Variants in RAD51B observed in about 807,000 individuals in gnomAD.
RAD51B encodes DNA repair protein RAD51 homolog 2.
RAD51B carries 38 observed loss-of-function variants against 42.2 expected under a neutral mutation model. The ratio of observed to expected loss-of-function variants is 0.90; its 90% CI spans 0.70 to 1.18. RAD51B has a LOEUF of 1.18. Ranked by LOEUF, RAD51B falls within the 50% of genes most tolerant of loss-of-function variation. The pLI, the probability that RAD51B is intolerant of heterozygous loss-of-function variation, is 0.00. For missense variants in RAD51B, 373 were observed against 400.7 expected (o/e 0.93, Z 0.59); for synonymous variants, 154 against 145.2 (o/e 1.06, Z -0.43).
intron 7 of RAD51B, among the ~76,000 whole-genome samples, chr14:68,152,682 C>T (rs992520482): frequency 6.6e-6 from 1 of 151,004 alleles, no homozygotes; most frequent in Non-Finnish European, 1.5e-5. Flanking sequence ...GTTGGTTGTA[C>T]AGATTATTTC....
chr14:67,844,862 AC>A (rs1431201136), intron 4 of RAD51B, among the ~76,000 whole-genome samples: 2 of 151,998 alleles, frequency 1.3e-5, no homozygotes, highest in African/African-American at 4.8e-5. Flanking sequence ...GAAGCTGGAA[AC>A]CATTTTTGTC....
At chr14:68,602,594 T>G (rs1490004445) in intron 10 of RAD51B, among the ~76,000 whole-genome samples, 4 of 152,162 alleles carry the variant, frequency 2.6e-5, no homozygotes, top group Non-Finnish European at 4.4e-5. Context: ...AAATAGAGTT[T>G]AAGAAATTGG....
chr14:67,922,732 C>A (rs995005276), intron 7 of RAD51B, among the ~76,000 whole-genome samples: 1 of 147,506 alleles, frequency 6.8e-6, no homozygotes, highest in Non-Finnish European at 1.5e-5. Context: ...TGCTCTGTCG[C>A]GCGGCCTGGA....
chr14:68,097,999 G>A (rs1419339840), intron 7 of RAD51B, among the ~76,000 whole-genome samples: 14 of 152,104 alleles, frequency 9.2e-5, no homozygotes, highest in Non-Finnish European at 7.3e-5. Context: ...AGCTTTACCT[G>A]GAGAACTCTA....
At chr14:68,214,493 A>G (rs1198138381) in intron 7 of RAD51B, among the ~76,000 whole-genome samples, 2 of 152,188 alleles carry the variant, frequency 1.3e-5, no homozygotes, top group Non-Finnish European at 2.9e-5. Context: ...GATTACTTCT[A>G]CGGCCCCCAC....
intron 7 of RAD51B, among the ~76,000 whole-genome samples, chr14:67,968,890 A>C (rs1195503833): frequency 6.6e-6 from 1 of 152,200 alleles, no homozygotes; most frequent in Non-Finnish European, 1.5e-5. Context: ...GTTTTCATGC[A>C]GCTGATAAAG....
At chr14:68,044,177 G>A (rs73284254) in intron 7 of RAD51B, among the ~76,000 whole-genome samples, 3,804 of 152,252 alleles carry the variant, frequency 0.025, 160 homozygotes, top group African/African-American at 0.086. Flanking sequence ...GCAAGCAAGC[G>A]TCCATCAGGA....
At chr14:67,840,154 G>T (rs954741312) in intron 4 of RAD51B, among the ~76,000 whole-genome samples, 6 of 152,062 alleles carry the variant, frequency 3.9e-5, no homozygotes, top group Non-Finnish European at 5.9e-5. Flanking sequence ...TAGGTTCAGG[G>T]GGTATATGTA....
chr14:68,517,411 C>T (rs1359215583), intron 10 of RAD51B, among the ~76,000 whole-genome samples: 6 of 152,082 alleles, frequency 3.9e-5, no homozygotes, highest in African/African-American at 1.4e-4. Flanking sequence ...TGAAGAATGC[C>T]GTGACTGCCA....
intron 7 of RAD51B, among the ~76,000 whole-genome samples, chr14:68,136,324 C>T (rs1674104314): frequency 1.3e-5 from 2 of 149,248 alleles, no homozygotes; most frequent in Non-Finnish European, 1.5e-5. Flanking sequence ...ACCTGTAATC[C>T]CAGCACTTTG....
intron 7 of RAD51B, among the ~76,000 whole-genome samples, chr14:68,188,445 T>A (rs949347971): frequency 2.6e-5 from 4 of 151,898 alleles, no homozygotes; most frequent in Non-Finnish European, 4.4e-5. Context: ...TTTCTTCTTC[T>A]TTTAGGTAAG....
chr14:68,600,336 A>G (rs1258616849), downstream of RAD51B, among the ~76,000 whole-genome samples: 1 of 152,232 alleles, frequency 6.6e-6, no homozygotes, highest in African/African-American at 2.4e-5. Flanking sequence ...TTAGGGCCTA[A>G]TTAAACTCTG....
At chr14:68,200,998 C>T (rs2140924846) in intron 7 of RAD51B, among the ~76,000 whole-genome samples, 1 of 152,104 alleles carries the variant, frequency 6.6e-6, no homozygotes, top group Middle Eastern at 3.4e-3. Context: ...AGCTGGATCC[C>T]CAGAAGCTAC....
chr14:68,137,378 G>A (rs1334808834), intron 7 of RAD51B, among the ~76,000 whole-genome samples: 3 of 152,132 alleles, frequency 2.0e-5, no homozygotes, highest in African/African-American at 4.8e-5. Context: ...ACAGATTTAA[G>A]TTACATAAAA....
At chr14:67,897,155 T>A (rs1795880522) in intron 7 of RAD51B, among the ~76,000 whole-genome samples, 1 of 152,060 alleles carries the variant, frequency 6.6e-6, no homozygotes. Context: ...GAAGAGAACA[T>A]AGAGGAAAAG....
At chr14:67,979,921 G>C (rs1221579803) in intron 7 of RAD51B, among the ~76,000 whole-genome samples, 3 of 152,148 alleles carry the variant, frequency 2.0e-5, no homozygotes. Flanking sequence ...AAACAAAAGA[G>C]CTGAGTGATG....
intron 10 of RAD51B, among the ~76,000 whole-genome samples, chr14:68,583,936 C>T (rs1227380942): frequency 6.6e-6 from 1 of 152,128 alleles, no homozygotes; most frequent in African/African-American, 2.4e-5. Flanking sequence ...AGCAGACTCC[C>T]TAATGTGTGG....
chr14:68,641,927 C>A (rs1023337839), intron 10 of RAD51B, among the ~76,000 whole-genome samples: 7 of 151,804 alleles, frequency 4.6e-5, no homozygotes, highest in Admixed American at 4.6e-4. Context: ...AATGTTGAAC[C>A]AGCATTGCAT....
intron 4 of RAD51B, among the ~76,000 whole-genome samples, chr14:67,861,079 G>A (rs2042148180): frequency 6.6e-6 from 1 of 152,086 alleles, no homozygotes; most frequent in Admixed American, 6.6e-5. Flanking sequence ...TGTAGTTCCA[G>A]CCGCTTGAGT....
Sources: gnomAD v4.1 joint callset for allele counts (sites outside exome capture counted in the v4.1 genomes callset) on GRCh38, gnomAD v4.1.1 for gene constraint, MANE v1.5 for transcripts, NCBI Gene and HGNC (gene_info 2026-07-23, HGNC 2026-07-21) for gene names.